Variants in DLGAP1 observed in about 807,000 individuals in gnomAD.
DLGAP1 encodes the protein DLG associated protein 1.
DLGAP1 carries 11 observed loss-of-function variants against 90.8 expected under a neutral mutation model. That is an observed-to-expected ratio of 0.12 (90% CI 0.08 to 0.20). The LOEUF (loss-of-function observed/expected upper bound fraction) is 0.20, where lower values mean the gene tolerates loss of function less well. DLGAP1 is among the 10% of genes least tolerant of loss of function. The pLI, the probability that DLGAP1 is intolerant of heterozygous loss-of-function variation, is 1.00. For missense variants in DLGAP1, 1,050 were observed against 1,333.8 expected, an observed-to-expected ratio of 0.79 and a Z score of 3.31; for synonymous variants, 558 against 540.7, an observed-to-expected ratio of 1.03 and a Z score of -0.44.
At chr18:3,899,119 C>A (rs1349136101) in intron 3 of DLGAP1, among the ~76,000 whole-genome samples, 1 of 152,160 alleles carries the variant, frequency 6.6e-6, no homozygotes. Context: ...CAAAGACCTG[C>A]AAGTCAAGTG....
intron 5 of DLGAP1, among the ~76,000 whole-genome samples, chr18:3,802,037 T>A (rs1364061959): frequency 6.7e-6 from 1 of 150,282 alleles, no homozygotes; most frequent in African/African-American, 2.5e-5. Flanking sequence ...CAGGCTGGAG[T>A]GCAGTGGCGT....
At chr18:3,983,042 T>C (rs1301646646) in intron 3 of DLGAP1, 1 of 152,204 alleles carries the variant, frequency 6.6e-6, no homozygotes, top group African/African-American at 2.4e-5. Flanking sequence ...ATAGAAAATA[T>C]TAGATGCATA....
chr18:4,432,150 A>G (rs17365035), intron 1 of DLGAP1, among the ~76,000 whole-genome samples: 3,020 of 152,320 alleles, frequency 0.02, 50 homozygotes, highest in Middle Eastern at 0.058. Context: ...GGCAATAGTC[A>G]AGTCATACTT....
At chr18:3,688,305 T>C (rs374310124) in intron 7 of DLGAP1, among the ~76,000 whole-genome samples, 1 of 152,112 alleles carries the variant, frequency 6.6e-6, no homozygotes, top group African/African-American at 2.4e-5. Flanking sequence ...TTGATTCATA[T>C]GAAAGAATCT....
intron 5 of DLGAP1, among the ~76,000 whole-genome samples, chr18:3,773,111 T>A (rs967652755): frequency 6.6e-6 from 1 of 152,120 alleles, no homozygotes; most frequent in African/African-American, 2.4e-5. Flanking sequence ...TAAAAATTTT[T>A]TTTTATTTTT....
At chr18:4,306,494 AAAG>A (rs994563948) in intron 1 of DLGAP1, among the ~76,000 whole-genome samples, 2 of 151,776 alleles carry the variant, frequency 1.3e-5, no homozygotes, top group African/African-American at 2.4e-5. Flanking sequence ...AGAAGAAAAT[AAAG>A]AAGAAAGGAG....
At chr18:4,448,098 G>A (rs568582673) in intron 1 of DLGAP1, among the ~76,000 whole-genome samples, 4 of 152,142 alleles carry the variant, frequency 2.6e-5, no homozygotes, top group South Asian at 4.1e-4. Flanking sequence ...TCTGAAAGTC[G>A]GTCCTTCTTC....
At chr18:4,408,259 G>A (rs889637410) in intron 1 of DLGAP1, among the ~76,000 whole-genome samples, 36 of 152,068 alleles carry the variant, frequency 2.4e-4, no homozygotes, top group Non-Finnish European at 1.0e-4. Context: ...AATGCTGTGC[G>A]TATTCGTGTG....
intron 4 of DLGAP1, among the ~76,000 whole-genome samples, chr18:3,816,930 A>G (rs777250679): frequency 3.3e-5 from 5 of 152,230 alleles, no homozygotes; most frequent in Admixed American, 6.5e-5. Context: ...TAACAATGTA[A>G]TGTTTTTACT....
intron 1 of DLGAP1, among the ~76,000 whole-genome samples, chr18:4,404,356 A>G (rs778337117): frequency 2.6e-5 from 4 of 152,098 alleles, no homozygotes; most frequent in Non-Finnish European, 4.4e-5. Context: ...TTTCCTTCCT[A>G]ATAATTATTT....
chr18:3,772,346 CTCTTTCTT>C (rs869167707), intron 5 of DLGAP1, among the ~76,000 whole-genome samples: 310 of 14,174 alleles, frequency 0.022, 7 homozygotes, highest in South Asian at 0.047. Context: ...CTCTCTCTCT[CTCTTTCTT>C]TCTTTCTTTC....
chr18:4,041,747 T>C (rs2074978030), intron 2 of DLGAP1, among the ~76,000 whole-genome samples: 1 of 152,194 alleles, frequency 6.6e-6, no homozygotes, highest in Non-Finnish European at 1.5e-5. Flanking sequence ...GGAAAGTCCA[T>C]ACAACCACAT....
chr18:4,344,224 T>C (rs915309193), intron 1 of DLGAP1, among the ~76,000 whole-genome samples: 1 of 152,208 alleles, frequency 6.6e-6, no homozygotes, highest in Non-Finnish European at 1.5e-5. Context: ...CTTTTTGTCA[T>C]GCACTATGCG....
Position 3,600,731 on chromosome 18 carries a change from T to TATATATAG in DLGAP1, c.1592-18491_1592-18484dup, listed in dbSNP as rs1211506453. Among the ~76,000 whole-genome samples the TATATATAG allele has an allele frequency of 6.2e-3, 235 of 37,764 alleles. 74 individuals are homozygous for TATATATAG. Among genetic ancestry groups the TATATATAG allele is most frequent in the African/African-American group, 0.03 (210 of 6,940 alleles). The allele number at this position is 37,764 out of a possible 152,430, so 24.8% of individuals were successfully genotyped here. A position where few individuals can be genotyped will look rare whatever the true frequency, so the allele number is the denominator to read the frequency against. On this transcript the variant is annotated intron_variant, in intron 7 of 12. Transcript: ENST00000315677. ...AGCTATATAGATATAGAGATATAGATATATATAGATATATAGATATATATA... is the reference window on the plus strand; with the variant it reads ...AGCTATATAGATATAGAGATATAGATATATATAGATATATAGATATATAGATATATATA...
intron 8 of DLGAP1, among the ~76,000 whole-genome samples, chr18:3,576,345 C>T (rs138939397): frequency 0.011 from 1,718 of 151,546 alleles, 40 homozygotes; most frequent in African/African-American, 0.04. Flanking sequence ...CTGCAACCTC[C>T]GCCTGCAGGG....
Position 3,974,309 on chromosome 18 carries a change from C to T in DLGAP1, c.-73+30807G>A, listed in dbSNP as rs146613597. 2.1e-3 allele frequency among the ~76,000 whole-genome samples: 324 copies of T among 152,196 alleles called. 6 individuals carry two copies. In the South Asian group the frequency reaches 0.027, roughly 12 times the overall value. On this transcript the variant is annotated intron_variant, in intron 3 of 12. Coordinates refer to ENST00000315677, the MANE Select transcript of DLGAP1 (RefSeq NM_004746.4). ...CAGGATAGTCTCAATCTCCTGATCT[C>T]GAAAACACATTATTATAATCTTATG...
chr18:4,233,183 C>T (rs1409602194), intron 1 of DLGAP1, among the ~76,000 whole-genome samples: 1 of 152,082 alleles, frequency 6.6e-6, no homozygotes, highest in East Asian at 1.9e-4. Flanking sequence ...GGAGTTATGA[C>T]CTAAACTATA....
chr18:4,018,407 C>T lies in DLGAP1; in HGVS notation c.-158-13206G>A, dbSNP rs202073042. 2.0e-5 allele frequency among the ~76,000 whole-genome samples: 3 copies of T among 152,202 alleles called. No homozygotes were observed. In the East Asian group the frequency reaches 5.8e-4, roughly 29 times the overall value. ...AAGCATGACCTCGTGTGAGGCAGCT[C>T]CCTTTGGCCAAAGGCAATTTTCCAG... On this transcript the variant is annotated intron_variant, in intron 2 of 12. Coordinates refer to ENST00000315677, the MANE Select transcript of DLGAP1 (RefSeq NM_004746.4).
chr18:3,523,539 A>T (rs946939249), intron 10 of DLGAP1, among the ~76,000 whole-genome samples: 4 of 151,732 alleles, frequency 2.6e-5, no homozygotes, highest in Non-Finnish European at 5.9e-5. Context: ...ACCCCAAAAA[A>T]CTCAATTTAA....
Sources: gnomAD v4.1 joint callset for allele counts (sites outside exome capture counted in the v4.1 genomes callset) on GRCh38, gnomAD v4.1.1 for gene constraint, MANE v1.5 for transcripts, NCBI Gene and HGNC (gene_info 2026-07-23, HGNC 2026-07-21) for gene names.